MYOF: variants seen among roughly 807,000 people sequenced by gnomAD.
MYOF encodes fer-1-like 3, myoferlin.
MYOF carries 244 observed loss-of-function variants against 284.2 expected under a neutral mutation model. That is an observed-to-expected ratio of 0.86 (90% CI 0.77 to 0.95). MYOF has a LOEUF of 0.95. Ranked by LOEUF, MYOF falls within the 40% of genes least tolerant of loss-of-function variation. The probability of loss-of-function intolerance (pLI) is 0.00; values close to 1 mark genes in which losing one functional copy is unlikely to be tolerated. For missense variants in MYOF, 2,496 were observed against 2,560.6 expected, an observed-to-expected ratio of 0.97 and a Z score of 0.54; for synonymous variants, 904 against 919.7, an observed-to-expected ratio of 0.98 and a Z score of 0.31.
chr10:93,358,240 C>T (rs991187356), intron 29 of MYOF, among the ~76,000 whole-genome samples: 2 of 151,990 alleles, frequency 1.3e-5, no homozygotes, highest in African/African-American at 4.8e-5. Context: ...AAATCAAAAC[C>T]ACAATGAGAT....
At chr10:93,417,612 A>G (rs969915359) in intron 5 of MYOF, among the ~76,000 whole-genome samples, 4 of 151,908 alleles carry the variant, frequency 2.6e-5, no homozygotes, top group Non-Finnish European at 5.9e-5. Flanking sequence ...ACCAAGCAGA[A>G]GAGAGTGGGA....
At chr10:93,459,074 C>T (rs1397847861) in intron 1 of MYOF, among the ~76,000 whole-genome samples, 8 of 152,234 alleles carry the variant, frequency 5.3e-5, no homozygotes, top group Admixed American at 2.6e-4. Context: ...TGACGCTCCT[C>T]GTCGGCTTGT....
At chr10:93,375,105 T>C in intron 22 of MYOF, 150 bp from the exon 23 acceptor site, 1 of 753,102 alleles carries the variant, frequency 1.3e-6, no homozygotes. Flanking sequence ...TGGTTTACGC[T>C]GGAGTAGAGT....
chr10:93,373,608 C>G (rs954828069), intron 23 of MYOF, among the ~76,000 whole-genome samples: 5 of 152,066 alleles, frequency 3.3e-5, no homozygotes, highest in Non-Finnish European at 7.4e-5. Context: ...AAAAAACTGC[C>G]TAAGTCCACT....
intron 19 of MYOF, among the ~76,000 whole-genome samples, chr10:93,385,454 A>G (rs1010486389): frequency 6.6e-6 from 1 of 152,200 alleles, no homozygotes; most frequent in Non-Finnish European, 1.5e-5. Flanking sequence ...AGCTTTACCA[A>G]AAAGTTTTGT....
chr10:93,353,259 C>T (rs984011707), intron 32 of MYOF, among the ~76,000 whole-genome samples: 1 of 152,106 alleles, frequency 6.6e-6, no homozygotes, highest in Non-Finnish European at 1.5e-5. Flanking sequence ...GCCTTCCTCT[C>T]AGAACCAGTC....
intron 5 of MYOF, among the ~76,000 whole-genome samples, chr10:93,422,152 C>T: frequency 6.6e-6 from 1 of 152,224 alleles, no homozygotes; most frequent in East Asian, 1.9e-4. Flanking sequence ...TTCACTCTGT[C>T]ATCTTGCATT....
At chr10:93,320,752 G>T (rs575707758) in intron 48 of MYOF, among the ~76,000 whole-genome samples, 10 of 152,100 alleles carry the variant, frequency 6.6e-5, no homozygotes, top group Non-Finnish European at 1.2e-4. Context: ...TTGAAACCAG[G>T]GGGTAACATT....
intron 3 of MYOF, among the ~76,000 whole-genome samples, chr10:93,435,395 A>G (rs1849073301): frequency 6.6e-6 from 1 of 152,170 alleles, no homozygotes. Context: ...GCTAGATACC[A>G]TTTGTGATCA....
chr10:93,352,876 A>G (rs1026372458), intron 32 of MYOF, among the ~76,000 whole-genome samples: 2 of 152,174 alleles, frequency 1.3e-5, no homozygotes, highest in African/African-American at 4.8e-5. Flanking sequence ...CCTGTTGGAG[A>G]TGTATATTGC....
At chr10:93,425,174 C>T (rs1331221033) in intron 5 of MYOF, among the ~76,000 whole-genome samples, 1 of 152,036 alleles carries the variant, frequency 6.6e-6, no homozygotes, top group Non-Finnish European at 1.5e-5. Context: ...CTCCTGACCC[C>T]AGGTGATTCA....
chr10:93,467,156 CT>C (rs1161982027), intron 1 of MYOF, among the ~76,000 whole-genome samples: 1 of 151,126 alleles, frequency 6.6e-6, no homozygotes, highest in African/African-American at 2.4e-5. Context: ...AACCTGTGCT[CT>C]TTTTTTTTAA....
At chr10:93,390,362 A>T (rs2134038347) in intron 17 of MYOF, among the ~76,000 whole-genome samples, 2 of 152,314 alleles carry the variant, frequency 1.3e-5, no homozygotes, top group South Asian at 4.1e-4. Context: ...CTCAGTGAAG[A>T]CAGCAAGAAA....
chr10:93,478,331 C>A, intron 1 of MYOF: 1 of 192,032 alleles, frequency 5.2e-6, no homozygotes, highest in Non-Finnish European at 1.1e-5. Flanking sequence ...CCCTGGCTCA[C>A]AGGCACTCAC....
At position 93,353,817 on chromosome 10, in the gene MYOF, A is replaced by G; in HGVS notation, c.3475T>C (p.Phe1159Leu). 6.2e-7 allele frequency: 1 copy of G among 1,608,494 alleles called. No homozygotes were observed. The highest frequency in any genetic ancestry group is 2.2e-5 in the East Asian group (1 of 44,752). Residue 1159 changes from phenylalanine to leucine, a missense_variant, in exon 32 of 54, where the codon TTT becomes CTT. By Grantham distance (22) the Phe-to-Leu change is conservative. Coordinates refer to ENST00000359263, the MANE Select transcript of MYOF (RefSeq NM_013451.4). ...TAGATTTTTTTTCCTTTACCTGAAA[A>G]GCTATCCTTATCTAAAGCCAAGAGG... The part of the protein sequence containing the change: ...RNLLALDKDS[F>L]SDPYAHICFL...
intron 2 of MYOF, among the ~76,000 whole-genome samples, chr10:93,455,887 C>T (rs2056733256): frequency 6.6e-6 from 1 of 152,106 alleles, no homozygotes; most frequent in South Asian, 2.1e-4. Context: ...GTTAAAGTTT[C>T]ATGAATAATT....
chr10:93,414,689 C>T lies in MYOF; in HGVS notation c.434-4950G>A, dbSNP rs150107599. ...GCATTTTAGAGGGCCACTATTCAGTCCACTAGAGAGGCCATCTTTTTTGTT... is the reference window on the plus strand; with the variant it reads ...GCATTTTAGAGGGCCACTATTCAGTTCACTAGAGAGGCCATCTTTTTTGTT... On this transcript the variant is annotated intron_variant, in intron 5 of 53. Transcript: ENST00000359263. Among the ~76,000 whole-genome samples the T allele has an allele frequency of 3.6e-3, 544 of 152,268 alleles. 4 individuals are homozygous for T. Among genetic ancestry groups the T allele is most frequent in the African/African-American group, 0.013 (529 of 41,568 alleles).
intron 1 of MYOF, among the ~76,000 whole-genome samples, chr10:93,469,977 C>T (rs1372173645): frequency 6.6e-6 from 1 of 151,786 alleles, no homozygotes; most frequent in African/African-American, 2.4e-5. Flanking sequence ...GCTTGTAATC[C>T]CAGCACTTTG....
chr10:93,400,755 G>A (rs1847249042), intron 12 of MYOF, among the ~76,000 whole-genome samples: 2 of 151,842 alleles, frequency 1.3e-5, no homozygotes, highest in South Asian at 2.1e-4. Context: ...CACTAGAAGC[G>A]ATCCCTTAAA....
Sources: gnomAD v4.1 joint callset for allele counts (sites outside exome capture counted in the v4.1 genomes callset) on GRCh38, gnomAD v4.1.1 for gene constraint, MANE v1.5 for transcripts, NCBI Gene and HGNC (gene_info 2026-07-23, HGNC 2026-07-21) for gene names.